Variants in COG6 observed in about 807,000 individuals in gnomAD.
The protein encoded by COG6 is component of oligomeric golgi complex 6, also known as conserved oligomeric Golgi complex subunit 6.
In COG6, 74 loss-of-function variants were observed where a neutral mutation model predicts 88.8. The ratio of observed to expected loss-of-function variants is 0.83; its 90% CI spans 0.69 to 1.01. The LOEUF is 1.01. Among genes scored for constraint, COG6 ranks in the 50% least tolerant of loss-of-function variants. COG6 has a pLI of 0.00. For missense variants in COG6, 800 were observed against 797.9 expected, an observed-to-expected ratio of 1.00 and a Z score of -0.03; for synonymous variants, 286 against 278.7, an observed-to-expected ratio of 1.03 and a Z score of -0.26.
rs1879192922 is a variant in COG6, at chr13:39,727,454, C to T, written c.1747-15C>T. 1 of 1,587,750 alleles carries T rather than the reference C, an allele frequency of 6.3e-7. No individual in the cohort carries two copies. On this transcript the variant is annotated splice_polypyrimidine_tract_variant and intron_variant, in intron 17 of 18. Coordinates refer to ENST00000455146, the MANE Select transcript of COG6 (RefSeq NM_020751.3). ...TATATGTACTTTATATTTTGTATTT[C>T]TCTGTTTCATTTAGGTTCAGTTTGA...
rs1405130717 is a variant in COG6 at position 39,768,291 on chromosome 13, C to T, written c.1827-20044C>T. Among the ~76,000 whole-genome samples, 4 of 152,220 alleles carry T rather than the reference C, an allele frequency of 2.6e-5. No individual in the cohort carries two copies. The South Asian group carries it at 6.2e-4, about 24-fold the overall frequency. On this transcript the variant is annotated intron_variant, in intron 18 of 18. Coordinates refer to the COG6 transcript ENST00000416691. ...GCACTTACTTGCTGGTCCCTGGGGA[C>T]CAGCTGGGCAGCTGAACCCGGAACA...
At chr13:39,690,673 G>T (rs1876931750) in intron 11 of COG6, among the ~76,000 whole-genome samples, 1 of 151,652 alleles carries the variant, frequency 6.6e-6, no homozygotes, top group African/African-American at 2.4e-5. Flanking sequence ...TAAGGTTTTT[G>T]TTTTTTTGGT....
intron 18 of COG6, among the ~76,000 whole-genome samples, chr13:39,768,604 G>A (rs4409964): frequency 0.42 from 63,522 of 151,916 alleles, 13,645 homozygotes; most frequent in Admixed American, 0.57. Context: ...AGGTTCCTGG[G>A]GGTGGGAGTC....
chr13:39,723,003 T>C (rs763336221), intron 15 of COG6, among the ~76,000 whole-genome samples: 1 of 152,128 alleles, frequency 6.6e-6, no homozygotes, highest in African/African-American at 2.4e-5. Flanking sequence ...CAGGCCCTTA[T>C]CTCGGAATTC....
At chr13:39,757,533 G>A (rs1017967472), downstream of COG6, among the ~76,000 whole-genome samples, 1 of 151,248 alleles carries the variant, frequency 6.6e-6, no homozygotes, top group Non-Finnish European at 1.5e-5. Context: ...TTCTCTGAAA[G>A]GATAGAAACA....
intron 3 of COG6, chr13:39,663,931 A>G (rs1442263482): frequency 6.6e-6 from 1 of 152,264 alleles, no homozygotes; most frequent in Non-Finnish European, 1.5e-5. Flanking sequence ...AAAATTATCT[A>G]GGTTCAAATT....
intron 13 of COG6, among the ~76,000 whole-genome samples, chr13:39,714,621 A>C (rs779024625): frequency 6.6e-6 from 1 of 152,100 alleles, no homozygotes; most frequent in African/African-American, 2.4e-5. Context: ...GAAAAAAAAA[A>C]CCATATTGAT....
At chr13:39,768,674 G>A (rs1421089067) in intron 18 of COG6, among the ~76,000 whole-genome samples, 2 of 152,006 alleles carry the variant, frequency 1.3e-5, no homozygotes, top group South Asian at 2.1e-4. Flanking sequence ...AGGCTCAGTG[G>A]TAACTTTTCA....
intron 18 of COG6, among the ~76,000 whole-genome samples, chr13:39,763,614 C>T (rs539360599): frequency 1.4e-3 from 217 of 151,674 alleles, no homozygotes; most frequent in African/African-American, 4.7e-3. Flanking sequence ...GAGAATCCAC[C>T]TATATTTCTT....
intron 13 of COG6, 37 bp from the exon 14 acceptor site, chr13:39,719,199 A>G: frequency 1.9e-6 from 3 of 1,607,260 alleles, no homozygotes; most frequent in Admixed American, 1.7e-5. Flanking sequence ...TTTAGTGGAA[A>G]AAATATAAGG....
At position 39,774,096 on chromosome 13, in the gene COG6, G is replaced by T. The variant is rs572575904; in HGVS notation, c.1827-14239G>T. Among the ~76,000 whole-genome samples the T allele has an allele frequency of 7.9e-5, 12 of 152,166 alleles. No homozygotes were observed. The East Asian group carries it at 2.1e-3, about 27-fold the overall frequency. On this transcript the variant is annotated intron_variant, in intron 18 of 18. Coordinates refer to the COG6 transcript ENST00000416691. ...CTGCTTCCCTGACTATGTTTAAAGGGCAAATGAGAGCATGCTATTTATAGG... is the reference window on the plus strand; with the variant it reads ...CTGCTTCCCTGACTATGTTTAAAGGTCAAATGAGAGCATGCTATTTATAGG...
At chr13:39,677,932 A>G (rs1876071749) in intron 5 of COG6, among the ~76,000 whole-genome samples, 1 of 152,166 alleles carries the variant, frequency 6.6e-6, no homozygotes, top group Non-Finnish European at 1.5e-5. Context: ...ACTATTTTCT[A>G]TTGATTCTCT....
chr13:39,682,199 A>G lies in COG6; in HGVS notation c.723A>G (p.Ser241=). 6.2e-7 allele frequency: 1 copy of G among 1,612,122 alleles called. No homozygotes were observed. ...AATGCAGAACATTGACACAAGAATC[A>G]TGTGACGTATCTCCAGTATTGACAC... The part of the protein sequence containing the change: ...QSECRTLTQE[S]CDVSPVLTQA... Residue 241 remains serine, a synonymous_variant, in exon 8 of 19, where the codon TCA becomes TCG. Coordinates refer to ENST00000455146, the MANE Select transcript of COG6 (RefSeq NM_020751.3).
rs117451512 is a variant in COG6, at chr13:39,720,418, A to G, written c.1584+591A>G. 2.4e-3 allele frequency among the ~76,000 whole-genome samples: 363 copies of G among 152,020 alleles called. 2 individuals are homozygous for G. Among genetic ancestry groups the G allele is most frequent in the Admixed American group, 8.4e-3 (128 of 15,260 alleles). On this transcript the variant is annotated intron_variant, in intron 15 of 18. Coordinates refer to ENST00000455146, the MANE Select transcript of COG6 (RefSeq NM_020751.3). ...TGGATTCCAGTTTTAAGCAGTGATT[A>G]TTGGTAAATATACTGTTTTTTAAAA...
intron 8 of COG6, among the ~76,000 whole-genome samples, chr13:39,686,155 AT>A (rs765264221): frequency 1.6e-4 from 25 of 152,166 alleles, no homozygotes; most frequent in Non-Finnish European, 2.8e-4. Context: ...AGTTTTGGTA[AT>A]TTTTGTTTAT....
chr13:39,662,142 A>ATTTTTTTT (rs10629485), intron 3 of COG6, among the ~76,000 whole-genome samples: 3 of 130,652 alleles, frequency 2.3e-5, no homozygotes, highest in African/African-American at 2.9e-5. Flanking sequence ...TGTCCTTTGT[A>ATTTTTTTT]TTTTTTTTTT....
chr13:39,745,833 C>T (rs1225712677), intron 18 of COG6, among the ~76,000 whole-genome samples: 1 of 152,080 alleles, frequency 6.6e-6, no homozygotes, highest in African/African-American at 2.4e-5. Context: ...GGAACCAACC[C>T]AAATGTCCAT....
Position 39,751,573 on chromosome 13 carries a change from G to A in COG6, c.*480G>A, listed in dbSNP as rs1190073121. 2.4e-5 allele frequency: 31 copies of A among 1,286,966 alleles called. No individual in the cohort carries two copies. Among genetic ancestry groups the A allele is most frequent in the Non-Finnish European group, 2.9e-5 (29 of 988,712 alleles). 79.7% of individuals were successfully genotyped at this position (1,286,966 alleles called of 1,614,324 possible). A position where few individuals can be genotyped will look rare whatever the true frequency, so the allele number is the denominator to read the frequency against. On this transcript the variant is annotated 3_prime_UTR_variant, in exon 19 of 19. Transcript: ENST00000455146. ...TTTTCTGAACCTAGCCTATGTCTCTGTCCCCAAAATAGCTGCCCTTAAAGA... is the reference window on the plus strand; with the variant it reads ...TTTTCTGAACCTAGCCTATGTCTCTATCCCCAAAATAGCTGCCCTTAAAGA...
chr13:39,689,183 T>G (rs951778147), intron 10 of COG6, among the ~76,000 whole-genome samples: 2 of 152,216 alleles, frequency 1.3e-5, no homozygotes, highest in Non-Finnish European at 2.9e-5. Flanking sequence ...TGAAGTAGGT[T>G]ATTCTACATG....
Sources: gnomAD v4.1 joint callset for allele counts (sites outside exome capture counted in the v4.1 genomes callset) on GRCh38, gnomAD v4.1.1 for gene constraint, MANE v1.5 for transcripts, NCBI Gene and HGNC (gene_info 2026-07-23, HGNC 2026-07-21) for gene names.